The following CYP4F2 variants were observed in gnomAD, a reference collection of about 807,000 sequenced individuals.
CYP4F2 encodes cytochrome P450 family 4 subfamily F member 2.
Under a neutral mutation model 58.9 loss-of-function variants are expected in CYP4F2, and 58 were observed. The ratio of observed to expected loss-of-function variants is 0.98; its 90% confidence interval spans 0.80 to 1.23. CYP4F2 has a LOEUF of 1.23. Among genes scored for constraint, CYP4F2 ranks in the 50% most tolerant of loss-of-function variants. CYP4F2 has a pLI of 0.00. For missense variants in CYP4F2, 616 were observed against 685.6 expected (o/e 0.90, Z 1.13); for synonymous variants, 287 against 261.1 (o/e 1.10, Z -0.95).
chr19:15,895,601 G>A lies in CYP4F2; in HGVS notation c.248C>T (p.Thr83Ile), dbSNP rs1292029455. The A allele has an allele frequency of 3.1e-6, 5 of 1,595,096 alleles. No homozygotes were observed. The highest frequency in any genetic ancestry group is 1.7e-4 in the Middle Eastern group (1 of 6,014). Residue 83 changes from threonine to isoleucine, a missense_variant, in exon 3 of 13, where the codon ACC (threonine) becomes ATC (isoleucine). Thr to Ile is a moderately conservative substitution (Grantham distance 89). Transcript: ENST00000221700. ...GMRVLTQLVA[T>I]YPQGFKVWMG... ...CCAGACCTTAAAGCCCTGGGGGTAG[G>A]TGGCCACCAGCTGAGTCAGAACTCT...
chr19:15,879,883 TG>T lies in CYP4F2; in HGVS notation c.1129del (p.His377IlefsTer5), dbSNP rs2089333407. Reference sequence around the variant, plus strand: ...CATGCACATGGTCAGGAAGGGCAAATGGGCCAGGTCGTCCCTAAGGAAACAC... The same window carrying T: ...CATGCACATGGTCAGGAAGGGCAAATGGCCAGGTCGTCCCTAAGGAAACAC... ...PKEIEWDDLA[H>X]LPFLTMCMKE... On this transcript the variant is annotated frameshift_variant, in exon 10 of 13. Transcript: ENST00000221700. LOFTEE classifies it high-confidence loss of function. The T allele has an allele frequency of 1.2e-6, 2 of 1,614,136 alleles. No individual in the cohort carries two copies. The highest frequency in any genetic ancestry group is 4.5e-5 in the East Asian group (2 of 44,870).
At position 15,878,361 on chromosome 19, in the gene CYP4F2, T is replaced by G; in HGVS notation, c.*410A>C. 2 of 165,782 alleles carry G rather than the reference T, an allele frequency of 1.2e-5. No individual in the cohort carries two copies. The highest frequency in any genetic ancestry group is 2.6e-5 in the Non-Finnish European group (2 of 76,668). 10.3% of individuals were successfully genotyped at this position (165,782 alleles called of 1,614,324 possible). ...CTATGCATCTCTTCAGATTGGCCTGTTCTGGAAATTTCGTATAAAAGGACA... is the reference window on the plus strand; with the variant it reads ...CTATGCATCTCTTCAGATTGGCCTGGTCTGGAAATTTCGTATAAAAGGACA... On this transcript the variant is annotated 3_prime_UTR_variant, in exon 13 of 13. Coordinates refer to ENST00000221700, the MANE Select transcript of CYP4F2 (RefSeq NM_001082.5).
At chr19:15,880,477 A>C (rs896360315) in intron 9 of CYP4F2, among the ~76,000 whole-genome samples, 2 of 151,948 alleles carry the variant, frequency 1.3e-5, no homozygotes, top group African/African-American at 2.4e-5. Context: ...AAATACAAAA[A>C]CTTAGCGGGG....
chr19:15,884,223 G>A (rs3093181), intron 9 of CYP4F2, among the ~76,000 whole-genome samples: 1,929 of 152,188 alleles, frequency 0.013, 31 homozygotes, highest in African/African-American at 0.043. Context: ...TGGAACTGGA[G>A]GTCACTGTGG....
In CYP4F2 at chr19:15,878,425, C is replaced by G; in HGVS notation, c.*346G>C. Reference sequence around the variant, plus strand: ...CCTTTTGCATCTGACGTCTTTCATTCAGTATCATGCATTCAAGGTTCATCC... The same window carrying G: ...CCTTTTGCATCTGACGTCTTTCATTGAGTATCATGCATTCAAGGTTCATCC... On this transcript the variant is annotated 3_prime_UTR_variant, in exon 13 of 13. Coordinates refer to ENST00000221700, the MANE Select transcript of CYP4F2 (RefSeq NM_001082.5). The G allele has an allele frequency of 3.8e-6, 1 of 262,662 alleles. No individual in the cohort carries two copies. The highest frequency in any genetic ancestry group is 7.2e-6 in the Non-Finnish European group (1 of 138,232). 16.3% of individuals were successfully genotyped at this position (262,662 alleles called of 1,614,324 possible).
At chr19:15,882,510 TC>T (rs2145002173) in intron 9 of CYP4F2, among the ~76,000 whole-genome samples, 1 of 149,384 alleles carries the variant, frequency 6.7e-6, no homozygotes, top group African/African-American at 2.5e-5. Flanking sequence ...ATGGATTTGT[TC>T]ATTACCTTGA....
chr19:15,884,350 TGAG>T (rs1169557499), intron 9 of CYP4F2, among the ~76,000 whole-genome samples: 1 of 151,518 alleles, frequency 6.6e-6, no homozygotes, highest in East Asian at 1.9e-4. Flanking sequence ...GAGGGAGGGG[TGAG>T]GAGAAGTTGA....
Position 15,878,596 on chromosome 19 carries a change from G to A in CYP4F2, c.*175C>T, listed in dbSNP as rs932744327. ...TCGTTTGGCTACTGTGAATAGGGCC[G>A]CCATGAACATTCACGCACAAGCGTC... is the stretch of plus-strand genomic sequence containing the variant. On this transcript the variant is annotated 3_prime_UTR_variant, in exon 13 of 13. Transcript: ENST00000221700. 6 of 993,440 alleles carry A rather than the reference G, an allele frequency of 6.0e-6. No individual in the cohort carries two copies. Among genetic ancestry groups the A allele is most frequent in the Middle Eastern group, 2.4e-4 (1 of 4,092 alleles). The allele number at this position is 993,440 out of a possible 1,614,324, so 61.5% of individuals were successfully genotyped here. A position where few individuals can be genotyped will look rare whatever the true frequency, so the allele number is the denominator to read the frequency against.
chr19:15,879,312 A>G, intron 12 of CYP4F2, 34 bp downstream of exon 12: 1 of 1,611,226 alleles, frequency 6.2e-7, no homozygotes, highest in South Asian at 1.1e-5. Context: ...GCACCCATCA[A>G]CCCGTTCCCA....
rs1342596626 is a variant in CYP4F2, at chr19:15,878,646, T to C, written c.*125A>G. The C allele has an allele frequency of 8.2e-7, 1 of 1,213,318 alleles. No homozygotes were observed. The highest frequency in any genetic ancestry group is 1.1e-6 in the Non-Finnish European group (1 of 885,944). The allele number at this position is 1,213,318 out of a possible 1,614,324, so 75.2% of individuals were successfully genotyped here. On this transcript the variant is annotated 3_prime_UTR_variant, in exon 13 of 13. Transcript: ENST00000221700. ...CTTTCTGTTTGAACACTTGTCTCAA[T>C]TATTTTGAGTAGATATCTAGGATGG...
chr19:15,879,400 T>C lies in CYP4F2; in HGVS notation c.1343A>G (p.Glu448Gly). 6.2e-7 allele frequency: 1 copy of C among 1,614,124 alleles called. No homozygotes were observed. The highest frequency in any genetic ancestry group is 8.5e-7 in the Non-Finnish European group (1 of 1,180,008). The change falls in exon 12 of 13, where the codon GAG becomes GGG. Residue 448 changes from glutamate (E) to glycine (G), a missense_variant. By Grantham distance (98) the Glu-to-Gly change is moderately conservative. Coordinates refer to ENST00000221700, the MANE Select transcript of CYP4F2 (RefSeq NM_001082.5). ...EVYDPFRFDP[E>G]NIKERSPLAF... The stretch of plus-strand genomic sequence containing the variant: ...CAGAGGTGACCTCTCCTTGATGTTC[T>C]CTGGGTCAAAGCGAAAGGGGTCGTA...
rs375460865 is a variant in CYP4F2 at position 15,885,975 on chromosome 19, C to T, written c.1064G>A (p.Arg355Gln). ...CTTCAGAAGTTCTTGCACCTCCTGC[C>T]GGCAGCGCTCCTGGTATTCTGGGTG... is the stretch of plus-strand genomic sequence containing the variant. ...AKHPEYQERC[R>Q]QEVQELLKDR... The change falls in exon 9 of 13, where the codon CGG becomes CAG. Residue 355 changes from arginine to glutamine, a missense_variant. Arg to Gln is a conservative substitution (Grantham distance 43, BLOSUM62 1). Coordinates refer to ENST00000221700, the MANE Select transcript of CYP4F2 (RefSeq NM_001082.5). 48 of 1,614,110 alleles carry T rather than the reference C, an allele frequency of 3.0e-5. 2 individuals are homozygous for T. The Middle Eastern group carries it at 2.3e-3, about 78-fold the overall frequency.
At chr19:15,886,487 T>G in intron 7 of CYP4F2, 179 bp from the exon 8 acceptor site, 1 of 686,638 alleles carries the variant, frequency 1.5e-6, no homozygotes, top group Non-Finnish European at 2.4e-6. Context: ...CCTCACCTCA[T>G]GGCCTTCCTC....
intron 6 of CYP4F2, 116 bp downstream of exon 6, chr19:15,890,196 G>T: frequency 6.5e-7 from 1 of 1,539,146 alleles, no homozygotes; most frequent in Non-Finnish European, 8.9e-7. Flanking sequence ...TCAATGATCA[G>T]GTATAACAAA....
chr19:15,886,141 G>A, intron 8 of CYP4F2, 88 bp from the exon 9 acceptor site: 1 of 1,606,106 alleles, frequency 6.2e-7, no homozygotes, highest in South Asian at 1.1e-5. Flanking sequence ...CCTCAGGGAG[G>A]ATGGGGGAAG....
intron 3 of CYP4F2, among the ~76,000 whole-genome samples, chr19:15,894,885 A>C (rs2089439136): frequency 6.6e-6 from 1 of 152,146 alleles, no homozygotes; most frequent in African/African-American, 2.4e-5. Context: ...CAGACAAGCT[A>C]TAGGATGGGG....
chr19:15,892,308 C>G lies in CYP4F2; in HGVS notation c.525+1G>C. On this transcript the variant is annotated splice_donor_variant, in intron 5 of 12. Coordinates refer to ENST00000221700, the MANE Select transcript of CYP4F2 (RefSeq NM_001082.5). LOFTEE classifies it high-confidence loss of function. ...TGGGACCTTGGCTTCAAATAACTCA[C>G]GTGCATGATGTTCACACTCTCATTG... is the stretch of plus-strand genomic sequence containing the variant. 6.2e-7 allele frequency: 1 copy of G among 1,614,160 alleles called. No individual in the cohort carries two copies.
rs759983215 is a variant in CYP4F2, at chr19:15,897,503, A to AGGCCAGGACATG, written c.97_108dup (p.His33_Ala36dup). ...CAGTTGTCATAGAAGGCGTAGGTCC[A>AGGCCAGGACATG]GGCCAGGACATGGGCCAGGAGCCAG... On this transcript the variant is annotated inframe_insertion, in exon 2 of 13. Coordinates refer to ENST00000221700, the MANE Select transcript of CYP4F2 (RefSeq NM_001082.5). 1.9e-6 allele frequency: 3 copies of AGGCCAGGACATG among 1,613,960 alleles called. No individual in the cohort carries two copies. The highest frequency in any genetic ancestry group is 2.5e-6 in the Non-Finnish European group (3 of 1,180,016).
intron 7 of CYP4F2, 86 bp from the exon 8 acceptor site, chr19:15,886,394 C>A: frequency 6.8e-7 from 1 of 1,473,554 alleles, no homozygotes; most frequent in South Asian, 1.2e-5. Flanking sequence ...TAATCTGAGA[C>A]AGTCTCTGAA....
Sources: gnomAD v4.1 joint callset for allele counts (sites outside exome capture counted in the v4.1 genomes callset) on GRCh38, gnomAD v4.1.1 for gene constraint, MANE v1.5 for transcripts, NCBI Gene and HGNC (gene_info 2026-07-23, HGNC 2026-07-21) for gene names.